Variants in ABTB2 observed in about 807,000 individuals in gnomAD.
ABTB2 encodes the protein ankyrin repeat and BTB domain containing 2, also known as ankyrin repeat and BTB/POZ domain-containing protein 2.
In ABTB2, 56 loss-of-function variants were observed where a neutral mutation model predicts 104.1. That is an observed-to-expected ratio of 0.54 (90% CI 0.43 to 0.67). The LOEUF (loss-of-function observed/expected upper bound fraction) is 0.67, where lower values mean the gene tolerates loss of function less well. Ranked by LOEUF, ABTB2 falls within the 30% of genes least tolerant of loss-of-function variation. The pLI is 0.00. For synonymous variants in ABTB2, 606 were observed against 608.2 expected (o/e 1.00, Z 0.05); for missense variants, 1,279 against 1,407.7 (o/e 0.91, Z 1.46).
chr11:34,164,229 C>T (rs1380867011), intron 9 of ABTB2, among the ~76,000 whole-genome samples: 1 of 152,190 alleles, frequency 6.6e-6, no homozygotes, highest in East Asian at 1.9e-4. Flanking sequence ...CCTGGGCAGG[C>T]CTGGTCCCCA....
rs1196368910 is a variant in ABTB2 at position 34,154,954 on chromosome 11, C to CCAA, written c.2698-188_2698-186dup. On this transcript the variant is annotated intron_variant, in intron 14 of 16. Coordinates refer to ENST00000435224, the MANE Select transcript of ABTB2 (RefSeq NM_145804.3). The surrounding 1 kb of genome is among the most constrained non-coding windows in gnomAD (Gnocchi z 4.9). ...TTGTGTTTTCCCGGGGAAGCCAACT[C>CCAA]CAAGACCCTCTCTCCTGAGTCCCTG... is the stretch of plus-strand genomic sequence containing the variant. Among the ~76,000 whole-genome samples the CCAA allele has an allele frequency of 6.6e-6, 1 of 152,210 alleles. No individual in the cohort carries two copies. The highest frequency in any genetic ancestry group is 2.4e-5 in the African/African-American group (1 of 41,452).
intron 7 of ABTB2, among the ~76,000 whole-genome samples, chr11:34,166,996 T>C (rs1013012518): frequency 6.6e-6 from 1 of 152,168 alleles, no homozygotes; most frequent in Non-Finnish European, 1.5e-5. Flanking sequence ...GAGAGAGAGA[T>C]GCCGGGAGGG....
chr11:34,222,172 G>C (rs1219853164), intron 1 of ABTB2, among the ~76,000 whole-genome samples: 1 of 152,196 alleles, frequency 6.6e-6, no homozygotes, highest in Non-Finnish European at 1.5e-5. Context: ...TTGGCAATTG[G>C]TTGAAAGGGT....
intron 1 of ABTB2, among the ~76,000 whole-genome samples, chr11:34,309,471 TG>T (rs1854823528): frequency 1.3e-5 from 2 of 151,564 alleles, no homozygotes; most frequent in Admixed American, 6.6e-5. Flanking sequence ...GGCATTACCG[TG>T]CTCAACACCA....
At chr11:34,336,991 A>C (rs1855199490) in intron 1 of ABTB2, among the ~76,000 whole-genome samples, 2 of 152,156 alleles carry the variant, frequency 1.3e-5, no homozygotes, top group African/African-American at 4.8e-5. Context: ...ATATGAAGTA[A>C]TTTGTCCAAG....
intron 3 of ABTB2, among the ~76,000 whole-genome samples, chr11:34,187,475 T>C (rs12280653): frequency 0.015 from 2,190 of 150,486 alleles, 40 homozygotes; most frequent in African/African-American, 0.051. Flanking sequence ...GATGTGGTCT[T>C]CTCGTCTACC....
chr11:34,356,833 T>A lies in ABTB2; in HGVS notation c.751A>T (p.Ser251Cys). 1 of 1,606,424 alleles carries A rather than the reference T, an allele frequency of 6.2e-7. No individual in the cohort carries two copies. The highest frequency in any genetic ancestry group is 1.1e-5 in the South Asian group (1 of 89,674). ...EIRARVMASH[S>C]PDGGGAGGGE... is the part of the protein sequence containing the mutation. ...CCTCCGGCCCCTCCGCCATCAGGGC[T>A]GTGGCTGGCCATCACCCTGGCCCGG... is the stretch of plus-strand genomic sequence containing the variant. The change falls in exon 1 of 17, where the codon AGC becomes TGC. Residue 251 changes from serine to cysteine, a missense_variant. Coordinates refer to ENST00000435224, the MANE Select transcript of ABTB2 (RefSeq NM_145804.3). The surrounding 1 kb of genome is among the most constrained non-coding windows in gnomAD (Gnocchi z 4.6).
At chr11:34,310,932 C>T (rs995064156) in intron 1 of ABTB2, among the ~76,000 whole-genome samples, 1 of 152,190 alleles carries the variant, frequency 6.6e-6, no homozygotes, top group Non-Finnish European at 1.5e-5. Flanking sequence ...AGCAATTTCC[C>T]CGGTGGTCCC....
intron 3 of ABTB2, among the ~76,000 whole-genome samples, chr11:34,196,280 G>A (rs866627449): frequency 1.3e-5 from 2 of 152,186 alleles, no homozygotes; most frequent in Non-Finnish European, 1.5e-5. Context: ...AAGACCGGGC[G>A]CGGTGGCTCA....
At chr11:34,320,755 C>T (rs1854990649) in intron 1 of ABTB2, among the ~76,000 whole-genome samples, 1 of 152,224 alleles carries the variant, frequency 6.6e-6, no homozygotes, top group Non-Finnish European at 1.5e-5. Flanking sequence ...TCCCAGCTCA[C>T]TACTGAGAAT....
At chr11:34,261,455 C>A (rs1854187404) in intron 1 of ABTB2, among the ~76,000 whole-genome samples, 1 of 151,620 alleles carries the variant, frequency 6.6e-6, no homozygotes, top group African/African-American at 2.4e-5. Context: ...TATTTACCAA[C>A]ATTTTCAGGT....
intron 1 of ABTB2, among the ~76,000 whole-genome samples, chr11:34,232,449 C>CAAAAAAAAAAAAAAAAAAA (rs67998044): frequency 8.7e-6 from 1 of 115,330 alleles, no homozygotes; most frequent in Non-Finnish European, 1.8e-5. Context: ...GACTCTGTCT[C>CAAAAAAAAAAAAAAAAAAA]AAAAAAAAAA....
intron 2 of ABTB2, among the ~76,000 whole-genome samples, chr11:34,204,005 G>A (rs1265936303): frequency 6.6e-6 from 1 of 152,190 alleles, no homozygotes; most frequent in Non-Finnish European, 1.5e-5. Context: ...AGCTGTCAAT[G>A]GTAAAGAGCC....
intron 1 of ABTB2, among the ~76,000 whole-genome samples, chr11:34,308,881 A>AAAAG (rs1554924869): frequency 6.9e-6 from 1 of 144,560 alleles, no homozygotes; most frequent in African/African-American, 2.7e-5. Flanking sequence ...AAAAAAAAAA[A>AAAAG]AAAAAAGAAA....
At chr11:34,280,214 G>A (rs557326664) in intron 1 of ABTB2, among the ~76,000 whole-genome samples, 3 of 152,170 alleles carry the variant, frequency 2.0e-5, no homozygotes, top group East Asian at 1.9e-4. Flanking sequence ...GAAGAATGGC[G>A]CAGGAATGGG....
At chr11:34,282,169 G>A (rs112007011) in intron 1 of ABTB2, among the ~76,000 whole-genome samples, 2,232 of 152,232 alleles carry the variant, frequency 0.015, 29 homozygotes, top group South Asian at 0.033. Context: ...TGGAAGAGCC[G>A]AAGCAGCTCT....
At chr11:34,272,728 A>AAAAAAAAAAAAAAAAAC (rs1565156120) in intron 1 of ABTB2, among the ~76,000 whole-genome samples, 1 of 133,226 alleles carries the variant, frequency 7.5e-6, no homozygotes, top group African/African-American at 2.7e-5. Context: ...AAAAAAAAAA[A>AAAAAAAAAAAAAAAAAC]AAACCAACCA....
chr11:34,322,309 A>G (rs957138228), intron 1 of ABTB2, among the ~76,000 whole-genome samples: 13 of 152,204 alleles, frequency 8.5e-5, no homozygotes, highest in African/African-American at 3.1e-4. Context: ...ACTAGGTTGT[A>G]TTAAGAGATT....
chr11:34,151,614 G>A lies in ABTB2; in HGVS notation c.*773C>T, dbSNP rs1383831188. 3 of 152,336 alleles carry A rather than the reference G, an allele frequency of 2.0e-5. No homozygotes were observed. Among genetic ancestry groups the A allele is most frequent in the Non-Finnish European group, 4.4e-5 (3 of 68,158 alleles). The allele number at this position is 152,336 out of a possible 1,614,324, so 9.4% of individuals were successfully genotyped here. Reference sequence around the variant, plus strand: ...AACCAGCAGCAAAACAAGAGCTGAGGCCATTCCTACACAGCACCCCATCCC... The same window carrying A: ...AACCAGCAGCAAAACAAGAGCTGAGACCATTCCTACACAGCACCCCATCCC... On this transcript the variant is annotated 3_prime_UTR_variant, in exon 17 of 17. Coordinates refer to ENST00000435224, the MANE Select transcript of ABTB2 (RefSeq NM_145804.3).
Sources: allele counts gnomAD v4.1 joint callset (sites outside exome capture counted in the v4.1 genomes callset), GRCh38; gene constraint gnomAD v4.1.1; non-coding constraint Gnocchi (gnomAD v3.1); transcripts MANE v1.5; gene names NCBI Gene and HGNC (gene_info 2026-07-23, HGNC 2026-07-21).